The following ANO5 variants were observed in gnomAD, a reference collection of about 807,000 sequenced individuals.
ANO5 encodes the protein anoctamin 5.
ANO5 carries 109 observed loss-of-function variants against 121.0 expected under a neutral mutation model. The observed-to-expected ratio is 0.90, with a 90% CI of 0.77 to 1.06. The LOEUF (loss-of-function observed/expected upper bound fraction) is 1.06. Among genes scored for constraint, ANO5 ranks in the 50% least tolerant of loss-of-function variants. The probability of loss-of-function intolerance (pLI) is 0.00; values close to 1 mark genes in which losing one functional copy is unlikely to be tolerated. For synonymous variants in ANO5, 406 were observed against 359.9 expected, an observed-to-expected ratio of 1.13 and a Z score of -1.45; for missense variants, 1,064 against 1,078.5, an observed-to-expected ratio of 0.99 and a Z score of 0.19.
At chr11:22,208,834 A>G (rs1852196609) in intron 2 of ANO5, among the ~76,000 whole-genome samples, 1 of 151,982 alleles carries the variant, frequency 6.6e-6, no homozygotes, top group Non-Finnish European at 1.5e-5. Context: ...AAGTGAATAC[A>G]ACTTATTTCA....
chr11:22,198,897 A>T (rs1851885665), intron 1 of ANO5, among the ~76,000 whole-genome samples: 2 of 152,170 alleles, frequency 1.3e-5, no homozygotes, highest in Non-Finnish European at 2.9e-5. Context: ...ATCTAACGAG[A>T]GATGATCAGG....
chr11:22,272,759 T>C (rs1396584522), intron 18 of ANO5, 25 bp from the exon 19 acceptor site: 1 of 1,599,332 alleles, frequency 6.3e-7, no homozygotes, highest in Admixed American at 1.7e-5. Context: ...AATAATGAGT[T>C]CATGCCTTTT....
intron 12 of ANO5, among the ~76,000 whole-genome samples, chr11:22,252,554 A>G (rs1452608509): frequency 1.3e-5 from 2 of 152,202 alleles, no homozygotes; most frequent in Non-Finnish European, 2.9e-5. Flanking sequence ...AAATTTTTTT[A>G]TGATTCACAT....
rs180787525 is a variant in ANO5, at chr11:22,247,081, A to C, written c.879-3156A>C. 1.4e-3 allele frequency among the ~76,000 whole-genome samples: 211 copies of C among 152,218 alleles called. 1 individual carries two copies. Among genetic ancestry groups the C allele is most frequent in the African/African-American group, 4.9e-3 (202 of 41,556 alleles). ...TACAGCACAGTAATACTCCAAACAA[A>C]ATACAGAGGGAAAAGCACCTATCTT... On this transcript the variant is annotated intron_variant, in intron 9 of 21. Transcript: ENST00000324559.
chr11:22,244,089 G>A (rs1853532861), intron 9 of ANO5, among the ~76,000 whole-genome samples: 2 of 152,012 alleles, frequency 1.3e-5, no homozygotes, highest in African/African-American at 4.8e-5. Context: ...CCTCTTGTAA[G>A]CCGTGTCTAG....
At chr11:22,233,229 C>G (rs1853103448) in intron 7 of ANO5, among the ~76,000 whole-genome samples, 1 of 151,700 alleles carries the variant, frequency 6.6e-6, no homozygotes, top group South Asian at 2.1e-4. Flanking sequence ...TACTTACATT[C>G]AAAAGTGATT....
At chr11:22,244,268 G>A (rs1853542110) in intron 9 of ANO5, among the ~76,000 whole-genome samples, 1 of 152,068 alleles carries the variant, frequency 6.6e-6, no homozygotes, top group Admixed American at 6.6e-5. Context: ...TCTGCTGACA[G>A]GTCTGCTGCT....
intron 1 of ANO5, among the ~76,000 whole-genome samples, chr11:22,199,032 A>G (rs1851889450): frequency 6.6e-6 from 1 of 152,192 alleles, no homozygotes; most frequent in African/African-American, 2.4e-5. Context: ...TATCTTTTAC[A>G]TGAGAAAGCC....
intron 8 of ANO5, among the ~76,000 whole-genome samples, chr11:22,237,623 A>C (rs1000620865): frequency 1.3e-5 from 2 of 151,992 alleles, no homozygotes; most frequent in African/African-American, 2.4e-5. Flanking sequence ...ACTCCTGGCC[A>C]ATGTTCAATA....
intron 3 of ANO5, among the ~76,000 whole-genome samples, chr11:22,213,944 C>T (rs945183691): frequency 1.3e-5 from 2 of 150,846 alleles, no homozygotes; most frequent in African/African-American, 2.4e-5. Flanking sequence ...GCTCTGTTGC[C>T]CAGGCTGGAG....
At chr11:22,269,526 GGAAA>G (rs1854527583) in intron 17 of ANO5, among the ~76,000 whole-genome samples, 2 of 113,250 alleles carry the variant, frequency 1.8e-5, no homozygotes, top group African/African-American at 8.9e-5. Flanking sequence ...AGAAAAGGAA[GGAAA>G]GAAAAAAAGA....
chr11:22,209,990 T>C (rs1852229192), intron 2 of ANO5, among the ~76,000 whole-genome samples: 1 of 151,966 alleles, frequency 6.6e-6, no homozygotes, highest in African/African-American at 2.4e-5. Flanking sequence ...AGCATATTTT[T>C]AGAGGCTACT....
chr11:22,283,230 C>T lies in ANO5; in HGVS notation c.*3465C>T, dbSNP rs1855139632. On this transcript the variant is annotated 3_prime_UTR_variant, in exon 22 of 22. Coordinates refer to ENST00000324559, the MANE Select transcript of ANO5 (RefSeq NM_213599.3). ...GAGTGCTCCTTTTTAAAATTTCTTT[C>T]TTCCAAGTTTTTTTTTCCAGGAAGA... The T allele has an allele frequency of 6.6e-6, 1 of 151,110 alleles. No homozygotes were observed. The highest frequency in any genetic ancestry group is 6.6e-5 in the Admixed American group (1 of 15,208). The allele number at this position is 151,110 out of a possible 1,614,324, so 9.4% of individuals were successfully genotyped here. A position where few individuals can be genotyped will look rare whatever the true frequency, so the allele number is the denominator to read the frequency against.
At chr11:22,227,277 C>T in intron 6 of ANO5, 25 bp from the exon 7 acceptor site, 5 of 1,603,650 alleles carry the variant, frequency 3.1e-6, no homozygotes, top group Non-Finnish European at 4.2e-6. Context: ...AAGCTTTCTG[C>T]TGTTTTGCCT....
Position 22,276,219 on chromosome 11 carries a change from C to G in ANO5, c.2520+20C>G. The G allele has an allele frequency of 1.3e-6, 2 of 1,560,702 alleles. No homozygotes were observed. Among genetic ancestry groups the G allele is most frequent in the South Asian group, 1.1e-5 (1 of 89,950 alleles). On this transcript the variant is annotated intron_variant, in intron 21 of 21. Coordinates refer to ENST00000324559, the MANE Select transcript of ANO5 (RefSeq NM_213599.3). ...ATGGAAGTAAGCTGTTCTTAACTTTCATTCGAGTTACTCTCTTCTCTCTTT... is the reference window on the plus strand; with the variant it reads ...ATGGAAGTAAGCTGTTCTTAACTTTGATTCGAGTTACTCTCTTCTCTCTTT...
intron 9 of ANO5, among the ~76,000 whole-genome samples, chr11:22,241,172 C>T: frequency 2.2e-5 from 1 of 45,664 alleles, no homozygotes; most frequent in Non-Finnish European, 4.5e-5. Context: ...AACCCACACC[C>T]CTCTCCCACA....
intron 21 of ANO5, 78 bp from the exon 22 acceptor site, chr11:22,279,465 TG>T (rs745616077): frequency 5.3e-5 from 65 of 1,219,656 alleles, no homozygotes; most frequent in Non-Finnish European, 7.4e-5. Flanking sequence ...CTTAAATAAG[TG>T]AAATGATTTG....
At position 22,218,257 on chromosome 11, in the gene ANO5, A is replaced by G; in HGVS notation, c.150A>G (p.Arg50=). Reference sequence around the variant, plus strand: ...TGGTTGCTTCACAGCCTGCAAAGCGATTCAATTTGTTCCTGAGGCGGCGGC... The same window carrying G: ...TGGTTGCTTCACAGCCTGCAAAGCGGTTCAATTTGTTCCTGAGGCGGCGGC... ...LINEETMPAK[R]FNLFLRRRLM... The change falls in exon 4 of 22, where the codon CGA becomes CGG. Residue 50 remains arginine (R), a synonymous_variant. Coordinates refer to ENST00000324559, the MANE Select transcript of ANO5 (RefSeq NM_213599.3). 4 of 1,613,386 alleles carry G rather than the reference A, an allele frequency of 2.5e-6. No homozygotes were observed. Among genetic ancestry groups the G allele is most frequent in the Non-Finnish European group, 3.4e-6 (4 of 1,179,716 alleles).
chr11:22,257,646 T>C, intron 13 of ANO5, 34 bp from the exon 14 acceptor site: 1 of 1,546,662 alleles, frequency 6.5e-7, no homozygotes, highest in Non-Finnish European at 8.9e-7. Context: ...GAGGGGAGAT[T>C]TTGAATTTCT....
Sources: allele counts gnomAD v4.1 joint callset (sites outside exome capture counted in the v4.1 genomes callset), GRCh38; gene constraint gnomAD v4.1.1; transcripts MANE v1.5; gene names NCBI Gene and HGNC (gene_info 2026-07-23, HGNC 2026-07-21).